The following RNF170 variants were observed in gnomAD, a reference collection of about 807,000 sequenced individuals.
RNF170 encodes the protein ring finger protein 170.
Under a neutral mutation model 32.7 loss-of-function variants are expected in RNF170, and 12 were observed. That is an observed-to-expected ratio of 0.37 (90% CI 0.24 to 0.60). The LOEUF is 0.60. Among genes scored for constraint, RNF170 ranks in the 20% least tolerant of loss-of-function variants. RNF170 has a pLI of 0.72. For missense variants in RNF170, 212 were observed against 311.2 expected, an observed-to-expected ratio of 0.68 and a Z score of 2.40; for synonymous variants, 91 against 103.6, an observed-to-expected ratio of 0.88 and a Z score of 0.74.
chr8:42,893,902 T>C (rs539277073), intron 1 of RNF170, among the ~76,000 whole-genome samples: 3 of 152,154 alleles, frequency 2.0e-5, no homozygotes, highest in African/African-American at 7.2e-5. Flanking sequence ...GGGTGAGAAC[T>C]AGCCTCCAAC....
intron 1 of RNF170, among the ~76,000 whole-genome samples, chr8:42,891,655 T>A (rs1055773511): frequency 6.6e-6 from 1 of 152,242 alleles, no homozygotes; most frequent in Non-Finnish European, 1.5e-5. Context: ...ACTTCCATGC[T>A]TTTAAATCTG....
At chr8:42,894,240 T>G (rs1457894090) in intron 1 of RNF170, among the ~76,000 whole-genome samples, 1 of 152,188 alleles carries the variant, frequency 6.6e-6, no homozygotes, top group Non-Finnish European at 1.5e-5. Context: ...GCAGCCAAGC[T>G]TGAAAAAGGA....
chr8:42,885,586 T>C (rs1805750384), intron 2 of RNF170, among the ~76,000 whole-genome samples: 1 of 152,224 alleles, frequency 6.6e-6, no homozygotes, highest in Non-Finnish European at 1.5e-5. Context: ...CTTTATTGTT[T>C]TCATCTTTTT....
In RNF170 at chr8:42,855,295, T is replaced by G; in HGVS notation, c.*864A>C. ...CCCAGGCTGGAGTGCAGTGGCGCAA[T>G]CCACCTCCTGGGTTTACGCCATTCT... On this transcript the variant is annotated 3_prime_UTR_variant, in exon 7 of 7. Coordinates refer to ENST00000527424, the MANE Select transcript of RNF170 (RefSeq NM_030954.4). The G allele has an allele frequency of 9.0e-7, 1 of 1,105,398 alleles. No individual in the cohort carries two copies. Among genetic ancestry groups the G allele is most frequent in the Non-Finnish European group, 1.2e-6 (1 of 831,594 alleles). 68.5% of individuals were successfully genotyped at this position (1,105,398 alleles called of 1,614,324 possible).
chr8:42,878,399 T>C (rs1333356046), intron 2 of RNF170, among the ~76,000 whole-genome samples: 2 of 152,180 alleles, frequency 1.3e-5, no homozygotes, highest in Non-Finnish European at 2.9e-5. Context: ...AACACATAAA[T>C]GATAAAAAAG....
At chr8:42,882,687 G>A (rs1415726526) in intron 2 of RNF170, among the ~76,000 whole-genome samples, 1 of 152,162 alleles carries the variant, frequency 6.6e-6, no homozygotes, top group African/African-American at 2.4e-5. Context: ...GAGACACAAA[G>A]TAGAACACAG....
In RNF170 at chr8:42,855,576, G is replaced by T. The variant is rs1295129703; in HGVS notation, c.*583C>A. ...CTGTAAACTAGAATATGATATCGAA[G>T]TATGAAGTTCAAGTTTCTTCTTTCA... On this transcript the variant is annotated 3_prime_UTR_variant, in exon 7 of 7. Coordinates refer to ENST00000527424, the MANE Select transcript of RNF170 (RefSeq NM_030954.4). 3.9e-6 allele frequency: 5 copies of T among 1,274,968 alleles called. No homozygotes were observed. The highest frequency in any genetic ancestry group is 5.1e-6 in the Non-Finnish European group (5 of 977,516). 79.0% of individuals were successfully genotyped at this position (1,274,968 alleles called of 1,614,324 possible).
chr8:42,888,114 G>C (rs191882926), intron 1 of RNF170, among the ~76,000 whole-genome samples: 1 of 152,174 alleles, frequency 6.6e-6, no homozygotes, highest in East Asian at 1.9e-4. Context: ...TGCCAGGCTG[G>C]AGTGCAGTGA....
At chr8:42,850,170 G>C (rs1802904661), downstream of RNF170, 1 of 156,354 alleles carries the variant, frequency 6.4e-6, no homozygotes, top group South Asian at 2.0e-4. Context: ...AAGGAGGGCT[G>C]GATGGCTGGA....
At chr8:42,876,117 A>G (rs1448582913) in intron 2 of RNF170, among the ~76,000 whole-genome samples, 1 of 152,048 alleles carries the variant, frequency 6.6e-6, no homozygotes, top group Non-Finnish European at 1.5e-5. Context: ...ATGACATTTC[A>G]GAATACAGAC....
chr8:42,877,694 A>C (rs1050657560), intron 2 of RNF170, among the ~76,000 whole-genome samples: 77 of 152,242 alleles, frequency 5.1e-4, no homozygotes, highest in African/African-American at 1.8e-3. Flanking sequence ...GAAGCAAGAA[A>C]ATATTCATGC....
In RNF170 at chr8:42,855,784, G is replaced by C; in HGVS notation, c.*375C>G. 8.0e-7 allele frequency: 1 copy of C among 1,250,208 alleles called. No individual in the cohort carries two copies. The highest frequency in any genetic ancestry group is 1.5e-5 in the African/African-American group (1 of 64,974). The allele number at this position is 1,250,208 out of a possible 1,614,324, so 77.4% of individuals were successfully genotyped here. On this transcript the variant is annotated 3_prime_UTR_variant, in exon 7 of 7. Transcript: ENST00000527424. ...ATATATTATCATATAGGTACCTGCT[G>C]AGAAGGATAAGATGGATAAACTGAC... is the stretch of plus-strand genomic sequence containing the variant.
At chr8:42,886,051 C>T (rs1230674013) in intron 2 of RNF170, among the ~76,000 whole-genome samples, 1 of 152,136 alleles carries the variant, frequency 6.6e-6, no homozygotes, top group Non-Finnish European at 1.5e-5. Context: ...GGTGAAACCC[C>T]GTCTCTACTA....
upstream of RNF170, chr8:42,896,835 C>G: frequency 9.3e-6 from 2 of 214,964 alleles, no homozygotes; most frequent in Non-Finnish European, 1.8e-5. Context: ...GGCCTCGGCT[C>G]CAGCCAGGGC....
At chr8:42,870,161 C>T in intron 3 of RNF170, 49 bp from the exon 4 acceptor site, 1 of 1,265,646 alleles carries the variant, frequency 7.9e-7, no homozygotes, top group Non-Finnish European at 1.2e-6. Context: ...ATGTGGCCCT[C>T]AACAGTATCT....
chr8:42,859,684 G>A (rs1424341898), intron 6 of RNF170, among the ~76,000 whole-genome samples: 3 of 152,064 alleles, frequency 2.0e-5, no homozygotes, highest in African/African-American at 4.8e-5. Context: ...GGTCTCACTC[G>A]ATCACCCAGG....
intron 2 of RNF170, among the ~76,000 whole-genome samples, chr8:42,881,738 C>G (rs967865028): frequency 6.6e-6 from 1 of 151,918 alleles, no homozygotes; most frequent in Non-Finnish European, 1.5e-5. Context: ...AATTTGAGAC[C>G]AGCCTGGGCA....
chr8:42,882,454 C>G (rs1805490212), intron 2 of RNF170, among the ~76,000 whole-genome samples: 1 of 152,052 alleles, frequency 6.6e-6, no homozygotes, highest in African/African-American at 2.4e-5. Context: ...AACTCCTGGC[C>G]CAAGCAATCT....
At chr8:42,894,753 C>A (rs1041303886) in intron 1 of RNF170, among the ~76,000 whole-genome samples, 2 of 151,990 alleles carry the variant, frequency 1.3e-5, no homozygotes, top group Non-Finnish European at 1.5e-5. Flanking sequence ...TTAGTAGAGA[C>A]GGGGTTTCAC....
Sources: gnomAD v4.1 joint callset for allele counts (sites outside exome capture counted in the v4.1 genomes callset) on GRCh38, gnomAD v4.1.1 for gene constraint, MANE v1.5 for transcripts, NCBI Gene and HGNC (gene_info 2026-07-23, HGNC 2026-07-21) for gene names.